SF3A3: variants seen among roughly 807,000 people sequenced by gnomAD.
SF3A3 encodes the protein splicing factor 3a subunit 3.
In SF3A3, 9 loss-of-function variants were observed where a neutral mutation model predicts 85.8. The observed-to-expected ratio is 0.10, with a 90% CI of 0.06 to 0.18. The LOEUF (loss-of-function observed/expected upper bound fraction) is 0.18, where lower values mean the gene tolerates loss of function less well. Among genes scored for constraint, SF3A3 ranks in the 10% least tolerant of loss-of-function variants. The probability of loss-of-function intolerance (pLI) is 1.00; values close to 1 mark genes in which losing one functional copy is unlikely to be tolerated. For synonymous variants in SF3A3, 195 were observed against 204.4 expected, an observed-to-expected ratio of 0.95 and a Z score of 0.39; for missense variants, 306 against 593.3, an observed-to-expected ratio of 0.52 and a Z score of 5.03.
At chr1:37,974,662 T>C (rs527837348) in intron 12 of SF3A3, among the ~76,000 whole-genome samples, 154 of 152,312 alleles carry the variant, frequency 1.0e-3, no homozygotes, top group African/African-American at 3.6e-3. Context: ...ATTTCCATTT[T>C]GCTACCAGGT....
rs370964524 is a variant in SF3A3 at position 37,962,650 on chromosome 1, A to T, written c.1373-2475T>A. Among the ~76,000 whole-genome samples the T allele has an allele frequency of 8.0e-5, 12 of 150,580 alleles. No individual in the cohort carries two copies. The East Asian group carries it at 1.4e-3, about 17-fold the overall frequency. On this transcript the variant is annotated intron_variant, in intron 15 of 16. Coordinates refer to ENST00000373019, the MANE Select transcript of SF3A3 (RefSeq NM_006802.4). Reference sequence around the variant, plus strand: ...GAATATTAATAAAGTGCGACCAATCACCTAAATGGCGATTTCCGGTGGCAA... The same window carrying T: ...GAATATTAATAAAGTGCGACCAATCTCCTAAATGGCGATTTCCGGTGGCAA...
intron 16 of SF3A3, among the ~76,000 whole-genome samples, 155 bp downstream of exon 16, chr1:37,959,957 CAAAAAAAA>C (rs34993722): frequency 2.1e-5 from 2 of 97,344 alleles, no homozygotes; most frequent in Non-Finnish European, 2.0e-5. Context: ...GACTCCGTGT[CAAAAAAAA>C]AAAAAAAAAA....
chr1:37,964,630 T>C (rs904286449), intron 15 of SF3A3, among the ~76,000 whole-genome samples: 2 of 151,286 alleles, frequency 1.3e-5, no homozygotes, highest in Admixed American at 1.3e-4. Context: ...AGAAATTAAA[T>C]GAAATGAAAT....
chr1:37,985,652 CA>C (rs1424651885), intron 4 of SF3A3, among the ~76,000 whole-genome samples: 1 of 152,116 alleles, frequency 6.6e-6, no homozygotes, highest in African/African-American at 2.4e-5. Context: ...TCCTTCTAAT[CA>C]GTTATTTAAG....
At chr1:37,987,708 T>C (rs866911520) in intron 3 of SF3A3, 30 bp from the exon 4 acceptor site, 6 of 1,609,548 alleles carry the variant, frequency 3.7e-6, no homozygotes, top group East Asian at 2.2e-5. Flanking sequence ...TCAAAGAAGA[T>C]AGAGCACAAA....
At chr1:37,965,933 G>A (rs556925271) in intron 15 of SF3A3, among the ~76,000 whole-genome samples, 2 of 152,308 alleles carry the variant, frequency 1.3e-5, no homozygotes, top group Admixed American at 1.3e-4. Context: ...GGGCGCGGTG[G>A]CTAACGCCTG....
At chr1:37,966,194 C>G (rs1259222975) in intron 15 of SF3A3, among the ~76,000 whole-genome samples, 2 of 151,118 alleles carry the variant, frequency 1.3e-5, no homozygotes, top group African/African-American at 4.9e-5. Flanking sequence ...CAGAGCAAGA[C>G]TCTGTCTCAA....
chr1:37,989,432 G>T (rs900766811), intron 2 of SF3A3, 116 bp downstream of exon 2: 1 of 1,100,556 alleles, frequency 9.1e-7, no homozygotes, highest in South Asian at 1.6e-5. Context: ...GAGAGCCCGC[G>T]ACTGGCCAAT....
intron 12 of SF3A3, 146 bp from the exon 13 acceptor site, chr1:37,969,881 A>T: frequency 1.2e-6 from 1 of 813,304 alleles, no homozygotes; most frequent in Non-Finnish European, 1.9e-6. Flanking sequence ...TTGCCTTCAT[A>T]TCAGAACTCC....
intron 15 of SF3A3, among the ~76,000 whole-genome samples, chr1:37,967,493 C>T (rs147232109): frequency 0.013 from 1,912 of 151,710 alleles, 51 homozygotes; most frequent in African/African-American, 0.044. Flanking sequence ...TCCTGGCTAA[C>T]ACTGTGAAAC....
intron 1 of SF3A3, 27 bp from the exon 2 acceptor site, chr1:37,989,622 GC>G: frequency 6.2e-7 from 1 of 1,612,208 alleles, no homozygotes; most frequent in Non-Finnish European, 8.5e-7. Flanking sequence ...TGACACAAAC[GC>G]CGTTAGTTTG....
At chr1:37,979,842 A>AGATG (rs1241354735) in intron 8 of SF3A3, among the ~76,000 whole-genome samples, 1 of 151,730 alleles carries the variant, frequency 6.6e-6, no homozygotes, top group African/African-American at 2.4e-5. Context: ...CCTAGAAGCC[A>AGATG]GATGGAGACT....
chr1:37,971,400 G>A (rs751746230), intron 12 of SF3A3, among the ~76,000 whole-genome samples: 11 of 152,034 alleles, frequency 7.2e-5, no homozygotes, highest in Non-Finnish European at 1.3e-4. Context: ...AGGACCAGAC[G>A]GATTCACAGC....
At chr1:37,960,424 G>A in intron 15 of SF3A3, 1 of 473,538 alleles carries the variant, frequency 2.1e-6, no homozygotes, top group Admixed American at 3.4e-5. Context: ...TCCGAAAACA[G>A]AGAAACTGAT....
chr1:37,970,219 T>A (rs956019318), intron 12 of SF3A3, among the ~76,000 whole-genome samples: 2 of 150,990 alleles, frequency 1.3e-5, no homozygotes, highest in African/African-American at 4.9e-5. Flanking sequence ...TTAGGAGGAC[T>A]GCTTGAGCCC....
chr1:37,984,569 C>T, intron 5 of SF3A3, 138 bp downstream of exon 5: 3 of 699,108 alleles, frequency 4.3e-6, no homozygotes, highest in Admixed American at 2.4e-5. Flanking sequence ...TAGGATGTCA[C>T]TCTAGCCCAG....
chr1:37,964,523 G>T (rs987459531), intron 15 of SF3A3, among the ~76,000 whole-genome samples: 1 of 151,916 alleles, frequency 6.6e-6, no homozygotes, highest in Non-Finnish European at 1.5e-5. Context: ...AGGAGAAATC[G>T]CTTGGAACCA....
rs1275320215 is a variant in SF3A3, at chr1:37,984,366, C to T, written c.377-106G>A. 18 of 680,486 alleles carry T rather than the reference C, an allele frequency of 2.6e-5. 1 individual carries two copies. Among genetic ancestry groups the T allele is most frequent in the Non-Finnish European group, 4.2e-5 (16 of 383,084 alleles). The allele number at this position is 680,486 out of a possible 1,614,324, so 42.2% of individuals were successfully genotyped here. On this transcript the variant is annotated intron_variant, in intron 5 of 16. Coordinates refer to ENST00000373019, the MANE Select transcript of SF3A3 (RefSeq NM_006802.4). ...CCTAGTTTCCTGAGGCAGCACTTCA[C>T]CCAAATGTCTTCCCTTTGCTCACAA...
chr1:37,982,399 T>G (rs2148723251), intron 6 of SF3A3, among the ~76,000 whole-genome samples: 1 of 152,024 alleles, frequency 6.6e-6, no homozygotes, highest in East Asian at 1.9e-4. Context: ...AGACGGAGTT[T>G]GGCTCTTGTT....
Sources: gnomAD v4.1 joint callset for allele counts (sites outside exome capture counted in the v4.1 genomes callset) on GRCh38, gnomAD v4.1.1 for gene constraint, MANE v1.5 for transcripts, NCBI Gene and HGNC (gene_info 2026-07-23, HGNC 2026-07-21) for gene names.